Variants in CRACD observed in about 807,000 individuals in gnomAD.
CRACD encodes the protein capping protein inhibiting regulator of actin dynamics.
In CRACD, 56 loss-of-function variants were observed where a neutral mutation model predicts 106.8. The observed-to-expected ratio is 0.52, with a 90% confidence interval of 0.42 to 0.66. The LOEUF (loss-of-function observed/expected upper bound fraction) is 0.66, where lower values mean the gene tolerates loss of function less well. Among genes scored for constraint, CRACD ranks in the 30% least tolerant of loss-of-function variants. The pLI, the probability that CRACD is intolerant of heterozygous loss-of-function variation, is 0.00. For missense variants in CRACD, 1,730 were observed against 1,623.2 expected (o/e 1.07, Z -1.13); for synonymous variants, 754 against 670.8 (o/e 1.12, Z -1.92).
chr4:56,118,993 A>G (rs1295696637), intron 1 of CRACD, among the ~76,000 whole-genome samples: 1 of 152,224 alleles, frequency 6.6e-6, no homozygotes, highest in Non-Finnish European at 1.5e-5. Flanking sequence ...CATACAGAAC[A>G]ATACAGCCAG....
chr4:56,100,060 G>A (rs1037205285), intron 1 of CRACD, among the ~76,000 whole-genome samples: 1 of 152,154 alleles, frequency 6.6e-6, no homozygotes, highest in Non-Finnish European at 1.5e-5. Flanking sequence ...GGCTACCATG[G>A]TGAAACCCTG....
intron 1 of CRACD, among the ~76,000 whole-genome samples, chr4:56,163,777 ACT>A (rs1363649083): frequency 6.6e-6 from 1 of 151,276 alleles, no homozygotes; most frequent in African/African-American, 2.4e-5. Context: ...ACAGAGTCTC[ACT>A]CTGTCTCCCA....
intron 2 of CRACD, among the ~76,000 whole-genome samples, chr4:56,188,622 C>CCTCTCTATCTCT (rs1553908620): frequency 4.9e-5 from 6 of 121,546 alleles, no homozygotes; most frequent in African/African-American, 2.1e-4. Flanking sequence ...ATCTGTCTAG[C>CCTCTCTATCTCT]CTCTCTCTCT....
chr4:56,326,966 C>T (rs926035624), intron 10 of CRACD, among the ~76,000 whole-genome samples: 1 of 152,076 alleles, frequency 6.6e-6, no homozygotes, highest in Non-Finnish European at 1.5e-5. Flanking sequence ...TCTCGAACTC[C>T]TGACCTCAAG....
At chr4:56,073,884 G>A (rs1340610220) in intron 1 of CRACD, among the ~76,000 whole-genome samples, 2 of 152,126 alleles carry the variant, frequency 1.3e-5, no homozygotes, top group Admixed American at 6.6e-5. Context: ...TTTTGTATAA[G>A]GTGTAAGGAG....
intron 2 of CRACD, among the ~76,000 whole-genome samples, chr4:56,266,817 T>C (rs2109631687): frequency 6.6e-6 from 1 of 152,352 alleles, no homozygotes; most frequent in East Asian, 1.9e-4. Context: ...TGGTTGCTAA[T>C]AGACATATGC....
chr4:56,080,814 C>T (rs1380534318), intron 1 of CRACD, among the ~76,000 whole-genome samples: 1 of 152,166 alleles, frequency 6.6e-6, no homozygotes, highest in African/African-American at 2.4e-5. Flanking sequence ...TCTAAAGACA[C>T]CTACCCTTTA....
intron 1 of CRACD, among the ~76,000 whole-genome samples, chr4:56,135,497 G>T (rs1057213938): frequency 5.9e-5 from 9 of 152,202 alleles, no homozygotes; most frequent in African/African-American, 2.2e-4. Context: ...CATTTTCAGT[G>T]CTCCCAGCGT....
At chr4:56,242,172 A>G (rs1740405091) in intron 2 of CRACD, among the ~76,000 whole-genome samples, 1 of 152,182 alleles carries the variant, frequency 6.6e-6, no homozygotes, top group Non-Finnish European at 1.5e-5. Flanking sequence ...TGACTTCACA[A>G]TCGCAAGTCT....
chr4:56,268,959 A>G (rs1742190225), intron 2 of CRACD, among the ~76,000 whole-genome samples: 1 of 152,266 alleles, frequency 6.6e-6, no homozygotes, highest in South Asian at 2.1e-4. Context: ...ATGAAAAGAT[A>G]CAAACATTCT....
rs1731965163 is a variant in CRACD at position 56,054,004 on chromosome 4, T to C, written c.-336+4705T>C. Among the ~76,000 whole-genome samples the C allele has an allele frequency of 3.3e-5, 5 of 152,162 alleles. No homozygotes were observed. In the South Asian group the frequency reaches 1.0e-3, roughly 32 times the overall value. ...ATTGTGTAAAGTTGCAGCAAGCCTGTGTTTTATGCGTATTTATTAATTCTG... is the reference window on the plus strand; with the variant it reads ...ATTGTGTAAAGTTGCAGCAAGCCTGCGTTTTATGCGTATTTATTAATTCTG... On this transcript the variant is annotated intron_variant, in intron 1 of 10. Coordinates refer to ENST00000682029, the MANE Select transcript of CRACD (RefSeq NM_001393381.1).
intron 1 of CRACD, among the ~76,000 whole-genome samples, chr4:56,099,126 T>C (rs1218701009): frequency 1.3e-5 from 2 of 152,210 alleles, no homozygotes; most frequent in Non-Finnish European, 2.9e-5. Flanking sequence ...TGGGTGACTG[T>C]GGACCTCTGA....
intron 2 of CRACD, among the ~76,000 whole-genome samples, chr4:56,203,290 A>G (rs1404501995): frequency 6.6e-6 from 1 of 152,210 alleles, no homozygotes; most frequent in Non-Finnish European, 1.5e-5. Flanking sequence ...ACCAGCACCG[A>G]CCACCTGGAG....
chr4:56,297,063 G>A (rs974866588), intron 3 of CRACD, among the ~76,000 whole-genome samples: 2 of 152,040 alleles, frequency 1.3e-5, no homozygotes, highest in African/African-American at 4.8e-5. Flanking sequence ...GGGATTATAG[G>A]CGCCAGCCAT....
intron 2 of CRACD, among the ~76,000 whole-genome samples, chr4:56,237,021 C>T (rs913221961): frequency 6.6e-6 from 1 of 152,084 alleles, no homozygotes; most frequent in African/African-American, 2.4e-5. Flanking sequence ...CACACCGACC[C>T]AGCAATCCCA....
intron 2 of CRACD, among the ~76,000 whole-genome samples, chr4:56,198,004 G>A (rs1233813500): frequency 1.3e-5 from 2 of 151,982 alleles, no homozygotes; most frequent in Non-Finnish European, 2.9e-5. Flanking sequence ...TTTAAGAAAT[G>A]CATCCTATTT....
intron 2 of CRACD, among the ~76,000 whole-genome samples, chr4:56,226,952 C>T (rs148697750): frequency 1.3e-4 from 19 of 151,884 alleles, no homozygotes; most frequent in Non-Finnish European, 2.1e-4. Flanking sequence ...CACTTACCAG[C>T]GTCCCTTTGC....
At chr4:56,118,186 G>GCC (rs1464723457) in intron 1 of CRACD, among the ~76,000 whole-genome samples, 3 of 152,264 alleles carry the variant, frequency 2.0e-5, no homozygotes, top group East Asian at 3.9e-4. Flanking sequence ...ATACACATCA[G>GCC]CCCTAGGCTA....
At chr4:56,310,604 TG>T in intron 5 of CRACD, 61 bp from the exon 6 acceptor site, 2 of 1,191,454 alleles carry the variant, frequency 1.7e-6, no homozygotes, top group Non-Finnish European at 2.5e-6. Flanking sequence ...AGACAGTGTC[TG>T]GTTATTTGCC....
Sources: gnomAD v4.1 joint callset for allele counts (sites outside exome capture counted in the v4.1 genomes callset) on GRCh38, gnomAD v4.1.1 for gene constraint, MANE v1.5 for transcripts, NCBI Gene and HGNC (gene_info 2026-07-23, HGNC 2026-07-21) for gene names.